Variants in SMG7 observed in about 807,000 individuals in gnomAD.
SMG7 encodes SMG7 nonsense mediated mRNA decay factor, also known as nonsense-mediated mRNA decay factor SMG7.
A neutral mutation model predicts 148.2 loss-of-function variants in SMG7; 34 were observed. That is an observed-to-expected ratio of 0.23 (90% CI 0.17 to 0.31). SMG7 has a LOEUF of 0.31. Ranked by LOEUF, SMG7 falls within the 10% of genes least tolerant of loss-of-function variation. SMG7 has a pLI of 1.00. For missense variants in SMG7, 1,114 were observed against 1,408.4 expected, an observed-to-expected ratio of 0.79 and a Z score of 3.35; for synonymous variants, 492 against 515.1, an observed-to-expected ratio of 0.96 and a Z score of 0.61.
At position 183,517,778 on chromosome 1, in the gene SMG7, C is replaced by T; in HGVS notation, c.270C>T (p.Asn90=). Residue 90 remains asparagine (N), a synonymous_variant, in exon 4 of 23, where the codon AAC becomes AAT. Coordinates refer to ENST00000688051, the MANE Select transcript of SMG7 (RefSeq NM_001375584.1). The part of the protein sequence containing the change: ...ANPNRSEVQA[N]LSLFLEAASG... ...CGAATCGGAGTGAAGTTCAGGCAAA[C>T]CTTTCTCTGTTCCTAGAGGCAGCTA... The T allele has an allele frequency of 6.2e-7, 1 of 1,614,058 alleles. No homozygotes were observed. Among genetic ancestry groups the T allele is most frequent in the East Asian group, 2.2e-5 (1 of 44,878 alleles).
At chr1:183,522,766 G>C (rs777276426) in intron 4 of SMG7, among the ~76,000 whole-genome samples, 4 of 151,258 alleles carry the variant, frequency 2.6e-5, no homozygotes, top group Non-Finnish European at 5.9e-5. Context: ...TGTGAAGATA[G>C]TTTTTTAGTT....
rs1458901233 is a variant in SMG7, at chr1:183,549,826, C to T, written c.3036C>T (p.Ser1012=). ...ATGGGAAAAACCTGACATCCAGCTC[C>T]AAAGCAGAACTCAGTCCCTCAATGG... The part of the protein sequence containing the change: ...EVYGKNLTSS[S]KAELSPSMAP... Residue 1012 remains serine, a synonymous_variant, in exon 20 of 23, where the codon TCC becomes TCT. Coordinates refer to ENST00000688051, the MANE Select transcript of SMG7 (RefSeq NM_001375584.1). 1.9e-6 allele frequency: 3 copies of T among 1,613,590 alleles called. No individual in the cohort carries two copies. The highest frequency in any genetic ancestry group is 2.5e-6 in the Non-Finnish European group (3 of 1,179,692).
At chr1:183,478,224 C>G (rs1392415830) in intron 1 of SMG7, among the ~76,000 whole-genome samples, 1 of 152,096 alleles carries the variant, frequency 6.6e-6, no homozygotes, top group Non-Finnish European at 1.5e-5. Context: ...AGAGCACATG[C>G]TGATTTTAGT....
chr1:183,546,189 A>C lies in SMG7; in HGVS notation c.2594A>C (p.Lys865Thr). ...EPYNHNPSEVKVPEFYWDSSY... is the reference protein window; with the variant it reads ...EPYNHNPSEVTVPEFYWDSSY... The stretch of plus-strand genomic sequence containing the variant: ...TATAACCATAATCCCTCAGAAGTCA[A>C]GGTCCCAGAATTCTACTGGGATTCT... The change falls in exon 17 of 23, where the codon AAG becomes ACG. Residue 865 changes from lysine to threonine, a missense_variant. Lys to Thr is a moderately conservative substitution (Grantham distance 78). Coordinates refer to ENST00000688051, the MANE Select transcript of SMG7 (RefSeq NM_001375584.1). The C allele has an allele frequency of 6.2e-7, 1 of 1,614,100 alleles. No homozygotes were observed. The highest frequency in any genetic ancestry group is 8.5e-7 in the Non-Finnish European group (1 of 1,179,986).
intron 1 of SMG7, 27 bp from the exon 2 acceptor site, chr1:183,512,806 CTCTT>C: frequency 7.8e-7 from 1 of 1,273,934 alleles, no homozygotes; most frequent in African/African-American, 1.6e-5. Flanking sequence ...CTAACTGATA[CTCTT>C]TTTTTTTTTT....
At chr1:183,501,606 G>C (rs991501536) in intron 1 of SMG7, among the ~76,000 whole-genome samples, 1 of 152,172 alleles carries the variant, frequency 6.6e-6, no homozygotes, top group African/African-American at 2.4e-5. Context: ...CTGGGGTGCA[G>C]AAAGTGTGAC....
intron 8 of SMG7, among the ~76,000 whole-genome samples, chr1:183,531,249 A>G (rs1308391020): frequency 6.6e-6 from 1 of 152,186 alleles, no homozygotes; most frequent in African/African-American, 2.4e-5. Context: ...CTAAGCAGAA[A>G]TGTTTACCAA....
At chr1:183,537,643 G>T (rs914767986) in intron 11 of SMG7, among the ~76,000 whole-genome samples, 1 of 152,062 alleles carries the variant, frequency 6.6e-6, no homozygotes, top group Non-Finnish European at 1.5e-5. Context: ...TTTTTCTTAC[G>T]TGTGTACACA....
At chr1:183,517,479 G>A (rs1663807829) in intron 3 of SMG7, 2 of 583,776 alleles carry the variant, frequency 3.4e-6, no homozygotes, top group African/African-American at 1.9e-5. Context: ...CATTTGGTAA[G>A]TGTTTACTAA....
intron 13 of SMG7, among the ~76,000 whole-genome samples, chr1:183,541,599 T>A (rs1482935595): frequency 6.6e-6 from 1 of 152,190 alleles, no homozygotes; most frequent in East Asian, 1.9e-4. Flanking sequence ...CTCAAGTGGG[T>A]GTCCTTGGGA....
At chr1:183,541,183 C>A in intron 13 of SMG7, 80 bp downstream of exon 13, 2 of 1,227,120 alleles carry the variant, frequency 1.6e-6, no homozygotes, top group Non-Finnish European at 2.3e-6. Flanking sequence ...CGCGCACACA[C>A]ACACATCTCA....
rs1372975224 is a variant in SMG7, at chr1:183,552,496, G to A, written c.*565G>A. 2.0e-6 allele frequency: 2 copies of A among 997,358 alleles called. No homozygotes were observed. The highest frequency in any genetic ancestry group is 3.5e-5 in the African/African-American group (2 of 57,496). The allele number at this position is 997,358 out of a possible 1,614,324, so 61.8% of individuals were successfully genotyped here. A position where few individuals can be genotyped will look rare whatever the true frequency, so the allele number is the denominator to read the frequency against. ...AAGGAAAGCCCCGTTCACTGCTCCT[G>A]TGAGAGGTTGGTGGTGACAGGATGG... On this transcript the variant is annotated 3_prime_UTR_variant, in exon 23 of 23. Transcript: ENST00000688051.
intron 4 of SMG7, among the ~76,000 whole-genome samples, chr1:183,524,986 T>A (rs564747541): frequency 6.6e-6 from 1 of 152,348 alleles, no homozygotes; most frequent in African/African-American, 2.4e-5. Flanking sequence ...ACATATTTTC[T>A]TACTTGTCTT....
chr1:183,526,520 C>T (rs1665900335), intron 4 of SMG7, 76 bp from the exon 5 acceptor site: 5 of 909,914 alleles, frequency 5.5e-6, no homozygotes, highest in South Asian at 1.6e-5. Flanking sequence ...GTACTAGGTA[C>T]ACATCTTACA....
intron 4 of SMG7, among the ~76,000 whole-genome samples, chr1:183,525,617 G>A (rs940354311): frequency 1.3e-5 from 2 of 152,066 alleles, no homozygotes; most frequent in African/African-American, 4.8e-5. Flanking sequence ...CCATAGGAAA[G>A]AAGCATGAAA....
intron 2 of SMG7, among the ~76,000 whole-genome samples, chr1:183,514,602 A>G (rs1321998874): frequency 1.3e-5 from 2 of 152,232 alleles, no homozygotes; most frequent in Non-Finnish European, 2.9e-5. Context: ...ACATTGAACA[A>G]CCTTAGTAAA....
intron 1 of SMG7, among the ~76,000 whole-genome samples, chr1:183,479,039 C>G (rs140730397): frequency 6.6e-6 from 1 of 152,256 alleles, no homozygotes; most frequent in East Asian, 1.9e-4. Flanking sequence ...GCAGGTATGT[C>G]ACATGGTAAG....
intron 3 of SMG7, chr1:183,516,220 G>A (rs1663495151): frequency 1.1e-5 from 4 of 378,046 alleles, no homozygotes; most frequent in South Asian, 4.8e-5. Context: ...AGGTCATTAC[G>A]GCAGCTCTTT....
chr1:183,475,721 T>C (rs1209021311), intron 1 of SMG7, among the ~76,000 whole-genome samples: 16 of 152,144 alleles, frequency 1.1e-4, no homozygotes. Flanking sequence ...AAAAACAAAT[T>C]GGCAGAGTGG....
Sources: allele counts gnomAD v4.1 joint callset (sites outside exome capture counted in the v4.1 genomes callset), GRCh38; gene constraint gnomAD v4.1.1; transcripts MANE v1.5; gene names NCBI Gene and HGNC (gene_info 2026-07-23, HGNC 2026-07-21).